ELFN2: variants seen among roughly 807,000 people sequenced by gnomAD.
ELFN2 encodes protein phosphatase 1 regulatory subunit 29.
ELFN2 carries 17 observed loss-of-function variants against 45.5 expected under a neutral mutation model. That is an observed-to-expected ratio of 0.37 (90% CI 0.26 to 0.56). ELFN2 has a LOEUF of 0.56. Ranked by LOEUF, ELFN2 falls within the 20% of genes least tolerant of loss-of-function variation. ELFN2 has a pLI of 0.77. For missense variants in ELFN2, 922 were observed against 1,183.2 expected, an observed-to-expected ratio of 0.78 and a Z score of 3.24; for synonymous variants, 550 against 551.5, an observed-to-expected ratio of 1.00 and a Z score of 0.04.
At position 37,383,276 on chromosome 22, in the gene ELFN2, C is replaced by T. The variant is rs545894044; in HGVS notation, c.-462-7280G>A. 8.5e-4 allele frequency among the ~76,000 whole-genome samples: 129 copies of T among 152,338 alleles called. 2 individuals are homozygous for T. The highest frequency in any genetic ancestry group is 1.2e-3 in the South Asian group (6 of 4,824). ...GAGTAAGGAGGCACCAGCGTCCTGT[C>T]CTCACCTTGTCCTAGATGTCAACCA... On this transcript the variant is annotated intron_variant, in intron 2 of 2. Coordinates refer to ENST00000402918, the MANE Select transcript of ELFN2 (RefSeq NM_052906.5).
In ELFN2 at chr22:37,375,705, T is replaced by C. The variant is rs1421030033; in HGVS notation, c.-171A>G. On this transcript the variant is annotated 5_prime_UTR_variant, in exon 3 of 3. Transcript: ENST00000402918. ...CTAGTGCCAACTGCTGGGGATCTTC[T>C]AGGGTGCTACAGCAGGCACTAGGCC... 5.2e-6 allele frequency: 4 copies of C among 775,666 alleles called. No homozygotes were observed. Among genetic ancestry groups the C allele is most frequent in the Admixed American group, 3.0e-5 (1 of 33,066 alleles). The allele number at this position is 775,666 out of a possible 1,614,324, so 48.0% of individuals were successfully genotyped here. A position where few individuals can be genotyped will look rare whatever the true frequency, so the allele number is the denominator to read the frequency against.
At chr22:37,346,878 G>T (rs1369185124) in intron 1 of ELFN2, among the ~76,000 whole-genome samples, 3 of 152,036 alleles carry the variant, frequency 2.0e-5, no homozygotes, top group Non-Finnish European at 4.4e-5. Flanking sequence ...AGTCCCCTCA[G>T]CAGTGCAGAG....
chr22:37,380,601 G>GC (rs765466540), intron 2 of ELFN2, among the ~76,000 whole-genome samples: 89 of 152,252 alleles, frequency 5.8e-4, no homozygotes, highest in Non-Finnish European at 1.1e-3. Flanking sequence ...CAGCTCATAA[G>GC]CCCTGGCACA....
At chr22:37,408,450 G>C (rs1427240710) in intron 2 of ELFN2, among the ~76,000 whole-genome samples, 5 of 152,236 alleles carry the variant, frequency 3.3e-5, no homozygotes, top group Non-Finnish European at 7.3e-5. Flanking sequence ...CAACAGCCCT[G>C]CCAAGGAAGT....
chr22:37,413,388 G>A (rs535281458), intron 2 of ELFN2, among the ~76,000 whole-genome samples: 15 of 147,606 alleles, frequency 1.0e-4, no homozygotes, highest in Non-Finnish European at 2.2e-4. Context: ...GCAACACGGT[G>A]AGATCCCGTC....
At chr22:37,424,879 G>A (rs1932836502) in intron 1 of ELFN2, among the ~76,000 whole-genome samples, 1 of 152,054 alleles carries the variant, frequency 6.6e-6, no homozygotes, top group Non-Finnish European at 1.5e-5. Flanking sequence ...CTGGGCTAGG[G>A]GGATAGGAGG....
chr22:37,373,188 C>A lies in ELFN2; in HGVS notation c.2347G>T (p.Glu783Ter). Residue 783 changes from glutamate to a stop codon, truncating the protein, a stop_gained, in exon 3 of 3, where the codon GAG (glutamate) becomes TAG (stop). Coordinates refer to ENST00000402918, the MANE Select transcript of ELFN2 (RefSeq NM_052906.5). LOFTEE classifies it high-confidence loss of function. Reference protein sequence around the residue: ...FRPYKKHHREEVYMAAGHALR... With the variant: ...FRPYKKHHRE Reference sequence around the variant, plus strand: ...GCGTGACCGGCGGCCATGTACACCTCCTCCCGGTGGTGCTTCTTGTAGGGC... The same window carrying A: ...GCGTGACCGGCGGCCATGTACACCTACTCCCGGTGGTGCTTCTTGTAGGGC... The A allele has an allele frequency of 6.2e-7, 1 of 1,613,832 alleles. No homozygotes were observed. Among genetic ancestry groups the A allele is most frequent in the Non-Finnish European group, 8.5e-7 (1 of 1,180,024 alleles).
chr22:37,354,366 A>T (rs1930898196), intron 1 of ELFN2: 1 of 152,204 alleles, frequency 6.6e-6, no homozygotes, highest in Admixed American at 6.5e-5. Context: ...GTGTGTGTGT[A>T]TACACGTATA....
chr22:37,355,552 G>A (rs926322340), intron 1 of ELFN2, among the ~76,000 whole-genome samples: 5 of 152,146 alleles, frequency 3.3e-5, no homozygotes, highest in African/African-American at 9.7e-5. Flanking sequence ...CCTCTGCAGC[G>A]GGGCCATCCC....
intron 2 of ELFN2, among the ~76,000 whole-genome samples, chr22:37,397,241 G>A (rs1220104337): frequency 2.0e-5 from 3 of 152,186 alleles, no homozygotes; most frequent in Non-Finnish European, 2.9e-5. Context: ...CAGGAAGCAC[G>A]GCGTGCCCCT....
rs189923834 is a variant in ELFN2, at chr22:37,413,810, G to T, written c.-463+3959C>A. ...ACAATTCAGGCTGCTACCAAAAGCT[G>T]TTCGTTATGGCACAAGCCCCCCCTA... On this transcript the variant is annotated intron_variant, in intron 2 of 2. Coordinates refer to ENST00000402918, the MANE Select transcript of ELFN2 (RefSeq NM_052906.5). Among the ~76,000 whole-genome samples, 446 of 152,340 alleles carry T rather than the reference G, an allele frequency of 2.9e-3. 2 individuals carry two copies. Among genetic ancestry groups the T allele is most frequent in the South Asian group, 5.8e-3 (28 of 4,828 alleles).
At chr22:37,383,298 A>T (rs1931840373) in intron 2 of ELFN2, among the ~76,000 whole-genome samples, 1 of 152,142 alleles carries the variant, frequency 6.6e-6, no homozygotes, top group Non-Finnish European at 1.5e-5. Flanking sequence ...CTAGATGTCA[A>T]CCAAACCTCT....
At chr22:37,360,832 C>T (rs960078725) in intron 1 of ELFN2, among the ~76,000 whole-genome samples, 2 of 152,172 alleles carry the variant, frequency 1.3e-5, no homozygotes, top group Admixed American at 6.5e-5. Flanking sequence ...AGAAGAGGCT[C>T]GTACAAGGCA....
intron 1 of ELFN2, among the ~76,000 whole-genome samples, chr22:37,348,090 T>G (rs1930737736): frequency 6.6e-6 from 1 of 152,256 alleles, no homozygotes; most frequent in African/African-American, 2.4e-5. Context: ...CTGGCTGTCC[T>G]CAACCTCAGG....
At chr22:37,355,722 G>A (rs892057898) in intron 1 of ELFN2, among the ~76,000 whole-genome samples, 6 of 152,182 alleles carry the variant, frequency 3.9e-5, no homozygotes, top group Admixed American at 1.3e-4. Flanking sequence ...AGTGCAGTCC[G>A]TGGCCGGGGG....
At chr22:37,402,841 C>T (rs1322565868) in intron 2 of ELFN2, among the ~76,000 whole-genome samples, 1 of 152,176 alleles carries the variant, frequency 6.6e-6, no homozygotes, top group South Asian at 2.1e-4. Flanking sequence ...TCCCAGCCAA[C>T]CCGAGGCATG....
Position 37,350,985 on chromosome 22 carries a change from G to A in ELFN2, n.149-8282C>T, listed in dbSNP as rs144580508. Among the ~76,000 whole-genome samples the A allele has an allele frequency of 2.3e-3, 339 of 150,398 alleles. 7 individuals are homozygous for A. The highest frequency in any genetic ancestry group is 7.8e-3 in the African/African-American group (321 of 41,338). ...TCCTGCCCCTGCCTCAGTGGGCCGC[G>A]GGACCCCGGGTACATGGCTTCTCCT... is the stretch of plus-strand genomic sequence containing the variant. On this transcript the variant is annotated intron_variant and non_coding_transcript_variant, in intron 1 of 2. Coordinates refer to ENST00000452946, the Ensembl canonical transcript of ELFN2.
chr22:37,392,968 C>T (rs2145660997), intron 2 of ELFN2, among the ~76,000 whole-genome samples: 1 of 152,366 alleles, frequency 6.6e-6, no homozygotes, highest in Non-Finnish European at 1.5e-5. Flanking sequence ...TCCCTTATTA[C>T]TTCAGGCCTG....
chr22:37,389,117 G>T (rs1932031198), intron 2 of ELFN2, among the ~76,000 whole-genome samples: 1 of 152,174 alleles, frequency 6.6e-6, no homozygotes, highest in South Asian at 2.1e-4. Context: ...ACAGTGCCTG[G>T]CACAGTGCAG....
Sources: gnomAD v4.1 joint callset for allele counts (sites outside exome capture counted in the v4.1 genomes callset) on GRCh38, gnomAD v4.1.1 for gene constraint, MANE v1.5 for transcripts, NCBI Gene and HGNC (gene_info 2026-07-23, HGNC 2026-07-21) for gene names.